ZNF846: variants seen among roughly 807,000 people sequenced by gnomAD.
ZNF846 encodes zinc finger protein 846.
Under a neutral mutation model 16.0 loss-of-function variants are expected in ZNF846, and 15 were observed. That is an observed-to-expected ratio of 0.94 (90% CI 0.63 to 1.45). The LOEUF is 1.45. Among genes scored for constraint, ZNF846 ranks in the 40% most tolerant of loss-of-function variants. The pLI, the probability that ZNF846 is intolerant of heterozygous loss-of-function variation, is 0.00. For synonymous variants in ZNF846, 229 were observed against 212.0 expected, an observed-to-expected ratio of 1.08 and a Z score of -0.70; for missense variants, 714 against 622.3, an observed-to-expected ratio of 1.15 and a Z score of -1.57.
At position 9,765,002 on chromosome 19, in the gene ZNF846, T is replaced by G. The variant is rs368226931; in HGVS notation, c.-52A>C. 2.3e-5 allele frequency: 37 copies of G among 1,605,478 alleles called. No individual in the cohort carries two copies. The African/African-American group carries it at 3.7e-4, about 16-fold the overall frequency. On this transcript the variant is annotated 5_prime_UTR_variant, in exon 2 of 6. Coordinates refer to ENST00000397902, the Ensembl canonical transcript of ZNF846. ...TAGCCTTGGCTTCTCGATGTTCCTG[T>G]CATGAAGACAGAAAGTGTCCTGGAA...
chr19:9,756,861 T>TC (rs2045141702), downstream of ZNF846: 1 of 151,834 alleles, frequency 6.6e-6, no homozygotes, highest in African/African-American at 2.4e-5. Flanking sequence ...TATCTCTCAT[T>TC]CTTACCTTCA....
At chr19:9,769,809 C>T (rs2145278900), upstream of ZNF846, among the ~76,000 whole-genome samples, 1 of 151,982 alleles carries the variant, frequency 6.6e-6, no homozygotes, top group Non-Finnish European at 1.5e-5. Context: ...AACCCCATCT[C>T]TACTAAAAAT....
intron 4 of ZNF846, 23 bp downstream of exon 4, chr19:9,762,059 A>G (rs1005128393): frequency 6.2e-7 from 1 of 1,605,268 alleles, no homozygotes; most frequent in Non-Finnish European, 8.5e-7. Context: ...GTGCCATAAT[A>G]CCACATCTGC....
At chr19:9,753,410 C>T (rs2045104425), downstream of ZNF846, among the ~76,000 whole-genome samples, 1 of 142,868 alleles carries the variant, frequency 7.0e-6, no homozygotes, top group African/African-American at 2.8e-5. Context: ...CAGCACCACA[C>T]TGGGCTGATT....
intron 5 of ZNF846, among the ~76,000 whole-genome samples, chr19:9,759,129 CTAGG>C (rs1032138570): frequency 3.3e-5 from 5 of 151,836 alleles, no homozygotes; most frequent in Admixed American, 6.6e-5. Context: ...TCCCAAGTAG[CTAGG>C]ATTACAGGCA....
chr19:9,776,642 T>C (rs963502244), intron 1 of ZNF846, among the ~76,000 whole-genome samples: 1 of 152,216 alleles, frequency 6.6e-6, no homozygotes, highest in Non-Finnish European at 1.5e-5. Flanking sequence ...TCTCCGTGCA[T>C]TGGGGGTAGC....
In ZNF846 at chr19:9,765,903, T is replaced by C. The variant is rs1336790303; in HGVS notation, c.-85-868A>G. On this transcript the variant is annotated intron_variant, in intron 1 of 5. Coordinates refer to ENST00000397902, the Ensembl canonical transcript of ZNF846. ...GGCAATATAGTGAGACCAAGTCTCTTTATTAAATAAATAAATAAACAAATA... is the reference window on the plus strand; with the variant it reads ...GGCAATATAGTGAGACCAAGTCTCTCTATTAAATAAATAAATAAACAAATA... 8.7e-5 allele frequency among the ~76,000 whole-genome samples: 13 copies of C among 148,860 alleles called. No homozygotes were observed. The Admixed American group carries it at 9.2e-4, about 11-fold the overall frequency.
chr19:9,758,400 T>C, exon 6 of ZNF846: 2 of 1,613,190 alleles, frequency 1.2e-6, no homozygotes, highest in East Asian at 2.2e-5. Context: ...CTTACATACA[T>C]AGTGTTTGTC....
chr19:9,757,599 A>T (rs1314380218), exon 6 of ZNF846: 2 of 1,613,528 alleles, frequency 1.2e-6, no homozygotes, highest in Non-Finnish European at 1.7e-6. Context: ...GTGAACGTTA[A>T]GGTATGTGGA....
At chr19:9,757,859 G>A in exon 6 of ZNF846, 1 of 1,613,300 alleles carries the variant, frequency 6.2e-7, no homozygotes, top group Middle Eastern at 1.7e-4. Context: ...TAAGCATTGA[G>A]GAATTATTAA....
chr19:9,785,275 G>A (rs2045546308), intron 1 of ZNF846, among the ~76,000 whole-genome samples: 1 of 143,400 alleles, frequency 7.0e-6, no homozygotes, highest in African/African-American at 2.6e-5. Context: ...TCGGCTCACT[G>A]CAACTTCCGC....
downstream of ZNF846, among the ~76,000 whole-genome samples, chr19:9,749,321 C>T (rs1393364680): frequency 6.6e-6 from 1 of 152,254 alleles, no homozygotes; most frequent in Non-Finnish European, 1.5e-5. Context: ...CTTGTCATCC[C>T]TATTATCTTC....
At chr19:9,750,240 C>T (rs1021727253), downstream of ZNF846, among the ~76,000 whole-genome samples, 4 of 152,158 alleles carry the variant, frequency 2.6e-5, no homozygotes, top group Admixed American at 6.5e-5. Flanking sequence ...TGGCTACCCT[C>T]GCCCTGCTCA....
At chr19:9,754,712 C>T (rs2045117493), downstream of ZNF846, among the ~76,000 whole-genome samples, 1 of 151,206 alleles carries the variant, frequency 6.6e-6, no homozygotes, top group Non-Finnish European at 1.5e-5. Context: ...CATTTTGCCA[C>T]TTTGTTACTC....
chr19:9,766,644 G>T (rs534901033), intron 1 of ZNF846, among the ~76,000 whole-genome samples: 2 of 151,778 alleles, frequency 1.3e-5, no homozygotes, highest in East Asian at 3.9e-4. Flanking sequence ...TTGGGAGGCC[G>T]AGGTGAGTGG....
chr19:9,751,343 C>T (rs1414730667), downstream of ZNF846, among the ~76,000 whole-genome samples: 1 of 152,050 alleles, frequency 6.6e-6, no homozygotes, highest in Non-Finnish European at 1.5e-5. Context: ...CCATACAGCC[C>T]CAAAATTTCA....
upstream of ZNF846, among the ~76,000 whole-genome samples, chr19:9,773,310 C>A (rs945473172): frequency 6.6e-6 from 1 of 152,114 alleles, no homozygotes; most frequent in Non-Finnish European, 1.5e-5. Context: ...TATAGGCGTG[C>A]AACACCACAC....
downstream of ZNF846, among the ~76,000 whole-genome samples, chr19:9,753,561 C>T (rs1236316867): frequency 6.6e-6 from 1 of 151,332 alleles, no homozygotes; most frequent in Non-Finnish European, 1.5e-5. Flanking sequence ...GCCTAGGAGA[C>T]AAAATTTAGA....
chr19:9,777,643 C>T (rs892601731), intron 1 of ZNF846, among the ~76,000 whole-genome samples: 3 of 146,204 alleles, frequency 2.1e-5, no homozygotes, highest in Non-Finnish European at 4.4e-5. Flanking sequence ...TGCATTCCAG[C>T]CTGGCAACAA....
Sources: gnomAD v4.1 joint callset for allele counts (sites outside exome capture counted in the v4.1 genomes callset) on GRCh38, gnomAD v4.1.1 for gene constraint, MANE v1.5 for transcripts, NCBI Gene and HGNC (gene_info 2026-07-23, HGNC 2026-07-21) for gene names.